Variants in KDM2B observed in about 807,000 individuals in gnomAD.
KDM2B encodes the protein lysine demethylase 2B.
Under a neutral mutation model 150.0 loss-of-function variants are expected in KDM2B, and 26 were observed. The observed-to-expected ratio is 0.17, with a 90% CI of 0.13 to 0.24. The LOEUF is 0.24. Ranked by LOEUF, KDM2B falls within the 10% of genes least tolerant of loss-of-function variation. KDM2B has a pLI of 1.00. For synonymous variants in KDM2B, 734 were observed against 729.5 expected, an observed-to-expected ratio of 1.01 and a Z score of -0.10; for missense variants, 1,265 against 1,816.9, an observed-to-expected ratio of 0.70 and a Z score of 5.52.
intron 4 of KDM2B, 186 bp downstream of exon 4, chr12:121,574,361 T>A (rs1891342476): frequency 1.8e-6 from 1 of 544,556 alleles, no homozygotes; most frequent in African/African-American, 2.0e-5. Context: ...CTGATACAGC[T>A]TCTTAAGACT....
chr12:121,571,559 G>A (rs533556305), intron 4 of KDM2B, among the ~76,000 whole-genome samples: 8 of 152,148 alleles, frequency 5.3e-5, no homozygotes, highest in African/African-American at 1.4e-4. Flanking sequence ...TTCCCAAAGC[G>A]CTGGGATTAC....
the KDM2B span, among the ~76,000 whole-genome samples, chr12:121,411,990 T>G: frequency 6.6e-6 from 1 of 152,188 alleles, no homozygotes; most frequent in Non-Finnish European, 1.5e-5. Flanking sequence ...AGAACAAAGT[T>G]TTTCCAGTTT....
intron 6 of KDM2B, among the ~76,000 whole-genome samples, chr12:121,541,232 AAAAT>A (rs1343010254): frequency 1.3e-5 from 2 of 151,876 alleles, no homozygotes; most frequent in East Asian, 1.9e-4. Flanking sequence ...AACTCCACTC[AAAAT>A]AAATAAATAA....
At chr12:121,438,721 T>C (rs1874429680) in intron 22 of KDM2B, among the ~76,000 whole-genome samples, 1 of 151,804 alleles carries the variant, frequency 6.6e-6, no homozygotes, top group Admixed American at 6.6e-5. Context: ...TTATCAGGCA[T>C]AAATGTGGGA....
chr12:121,508,726 C>T (rs1345709279), intron 11 of KDM2B, among the ~76,000 whole-genome samples: 3 of 152,210 alleles, frequency 2.0e-5, no homozygotes, highest in Non-Finnish European at 4.4e-5. Context: ...CTCAGGCATG[C>T]CCCGTACCCT....
At chr12:121,437,883 G>A (rs929315424) in intron 22 of KDM2B, among the ~76,000 whole-genome samples, 5 of 135,868 alleles carry the variant, frequency 3.7e-5, no homozygotes, top group Admixed American at 2.3e-4. Context: ...CCGATGAGAG[G>A]GGAATTTTTT....
intron 11 of KDM2B, among the ~76,000 whole-genome samples, chr12:121,494,902 A>G (rs1201813699): frequency 6.6e-6 from 1 of 152,022 alleles, no homozygotes; most frequent in Non-Finnish European, 1.5e-5. Context: ...AGCAAATCAC[A>G]TACCTCCCTG....
intron 22 of KDM2B, among the ~76,000 whole-genome samples, chr12:121,439,019 C>T (rs886675723): frequency 7.2e-5 from 11 of 152,192 alleles, no homozygotes; most frequent in East Asian, 1.9e-4. Context: ...AACCAACTGC[C>T]GCCCCAACGG....
chr12:121,439,385 T>C (rs1229281284), intron 22 of KDM2B, among the ~76,000 whole-genome samples: 2 of 151,540 alleles, frequency 1.3e-5, no homozygotes, highest in African/African-American at 4.8e-5. Context: ...GGTAACTTTT[T>C]TTTTTTTTTT....
chr12:121,475,448 C>T (rs1881260960), intron 12 of KDM2B, among the ~76,000 whole-genome samples: 1 of 149,096 alleles, frequency 6.7e-6, no homozygotes. Context: ...GAAAATTTAG[C>T]CAGGCAAGGT....
intron 6 of KDM2B, among the ~76,000 whole-genome samples, chr12:121,545,079 T>TG (rs1198437851): frequency 6.6e-6 from 1 of 152,190 alleles, no homozygotes; most frequent in Non-Finnish European, 1.5e-5. Context: ...GCCTCCAGCA[T>TG]GAAAGCTCCA....
intron 1 of KDM2B, chr12:121,580,130 C>G: frequency 1.3e-6 from 2 of 1,569,128 alleles, no homozygotes; most frequent in South Asian, 2.4e-5. Flanking sequence ...GGAGGGAAGA[C>G]CAAAGAAAAC....
intron 6 of KDM2B, among the ~76,000 whole-genome samples, chr12:121,538,026 G>A (rs1248470925): frequency 6.6e-6 from 1 of 150,814 alleles, no homozygotes; most frequent in Non-Finnish European, 1.5e-5. Context: ...CGCGAGCCGA[G>A]CCCCCTCCAC....
chr12:121,559,738 T>TA (rs202018578), intron 4 of KDM2B, among the ~76,000 whole-genome samples: 1,867 of 151,572 alleles, frequency 0.012, 42 homozygotes, highest in African/African-American at 0.043. Flanking sequence ...CCGTCTCTAC[T>TA]AAAAAAAACA....
intron 4 of KDM2B, among the ~76,000 whole-genome samples, chr12:121,561,835 A>G (rs998002843): frequency 6.6e-6 from 1 of 152,138 alleles, no homozygotes; most frequent in Non-Finnish European, 1.5e-5. Flanking sequence ...GAAGAACTCT[A>G]AGACTCCTTC....
chr12:121,522,422 G>A (rs1037975665), intron 8 of KDM2B, among the ~76,000 whole-genome samples: 9 of 151,928 alleles, frequency 5.9e-5, no homozygotes, highest in African/African-American at 1.9e-4. Flanking sequence ...GGCTGAGGCA[G>A]GGGAATCGCT....
rs2138757638 is a variant in KDM2B, at chr12:121,452,905, TTC to T, written c.1959+213_1959+214del. On this transcript the variant is annotated intron_variant, in intron 13 of 22. Coordinates refer to ENST00000377071, the MANE Select transcript of KDM2B (RefSeq NM_032590.5). This position sits in a 1 kb window ranked among gnomAD's most constrained non-coding sequence, Gnocchi z 4.4. ...GCCTGTCATCTTTAATGGCAGCAACTTCAAAGTACCTGAGCACCCTGGGAGGG... is the reference window on the plus strand; with the variant it reads ...GCCTGTCATCTTTAATGGCAGCAACTAAAGTACCTGAGCACCCTGGGAGGG... Among the ~76,000 whole-genome samples the T allele has an allele frequency of 6.6e-6, 1 of 152,250 alleles. No homozygotes were observed. Among genetic ancestry groups the T allele is most frequent in the South Asian group, 2.1e-4 (1 of 4,824 alleles).
At chr12:121,421,991 C>T in the KDM2B span, among the ~76,000 whole-genome samples, 1 of 152,186 alleles carries the variant, frequency 6.6e-6, no homozygotes, top group East Asian at 1.9e-4. Context: ...GTGGTAGATG[C>T]AGGAATCTTC....
At chr12:121,489,463 C>A (rs1226308100) in intron 12 of KDM2B, among the ~76,000 whole-genome samples, 1 of 150,660 alleles carries the variant, frequency 6.6e-6, no homozygotes, top group Non-Finnish European at 1.5e-5. Context: ...TTAATGAGAC[C>A]AAGACTCACT....
Sources: allele counts gnomAD v4.1 joint callset (sites outside exome capture counted in the v4.1 genomes callset), GRCh38; gene constraint gnomAD v4.1.1; non-coding constraint Gnocchi (gnomAD v3.1); transcripts MANE v1.5; gene names NCBI Gene and HGNC (gene_info 2026-07-23, HGNC 2026-07-21).